LGR4: variants seen among roughly 807,000 people sequenced by gnomAD.
LGR4 encodes the protein leucine rich repeat containing G protein-coupled receptor 4.
LGR4 carries 44 observed loss-of-function variants against 84.8 expected under a neutral mutation model. The observed-to-expected ratio is 0.52, with a 90% confidence interval of 0.41 to 0.67. The LOEUF (loss-of-function observed/expected upper bound fraction) is 0.67, where lower values mean the gene tolerates loss of function less well. Among genes scored for constraint, LGR4 ranks in the 30% least tolerant of loss-of-function variants. The pLI is 0.00. For missense variants in LGR4, 1,032 were observed against 1,131.4 expected, an observed-to-expected ratio of 0.91 and a Z score of 1.26; for synonymous variants, 429 against 434.3, an observed-to-expected ratio of 0.99 and a Z score of 0.15.
At chr11:27,423,633 G>C (rs996432637) in intron 1 of LGR4, among the ~76,000 whole-genome samples, 2 of 152,140 alleles carry the variant, frequency 1.3e-5, no homozygotes, top group East Asian at 1.9e-4. Flanking sequence ...TATTCCCTTG[G>C]GAATGACTTA....
At chr11:27,436,767 C>T (rs948832187) in intron 1 of LGR4, among the ~76,000 whole-genome samples, 7 of 152,110 alleles carry the variant, frequency 4.6e-5, no homozygotes, top group East Asian at 1.9e-4. Context: ...GTGTTAATAT[C>T]GTTTGTTCAT....
At chr11:27,406,936 G>A (rs773796235) in intron 2 of LGR4, among the ~76,000 whole-genome samples, 10 of 152,120 alleles carry the variant, frequency 6.6e-5, no homozygotes, top group Non-Finnish European at 1.3e-4. Context: ...GGAATTCCTT[G>A]TATTAGAAGA....
chr11:27,417,940 T>C (rs1326002822), intron 1 of LGR4, among the ~76,000 whole-genome samples: 1 of 152,184 alleles, frequency 6.6e-6, no homozygotes, highest in Non-Finnish European at 1.5e-5. Flanking sequence ...CATCATGGGA[T>C]TGGAACATCT....
chr11:27,377,987 T>C (rs572038994), intron 11 of LGR4, among the ~76,000 whole-genome samples: 1 of 152,316 alleles, frequency 6.6e-6, no homozygotes, highest in South Asian at 2.1e-4. Context: ...AGTATTATGC[T>C]GTACAGGTTT....
chr11:27,400,042 T>TAC (rs1273076068), intron 2 of LGR4, among the ~76,000 whole-genome samples: 3 of 152,180 alleles, frequency 2.0e-5, no homozygotes, highest in African/African-American at 7.2e-5. Flanking sequence ...CCTATTATTA[T>TAC]ACAGGTTGAG....
intron 14 of LGR4, 109 bp downstream of exon 14, chr11:27,373,866 C>A (rs963836402): frequency 1.9e-6 from 2 of 1,029,898 alleles, no homozygotes; most frequent in Non-Finnish European, 3.0e-6. Flanking sequence ...AGCATTTATA[C>A]AAGGGAATAA....
intron 1 of LGR4, among the ~76,000 whole-genome samples, chr11:27,451,888 A>C (rs918783423): frequency 1.3e-5 from 2 of 152,212 alleles, no homozygotes; most frequent in African/African-American, 4.8e-5. Context: ...AATATGATTC[A>C]AACCATTTAA....
At chr11:27,465,235 T>G (rs1429600888) in intron 1 of LGR4, among the ~76,000 whole-genome samples, 1 of 152,196 alleles carries the variant, frequency 6.6e-6, no homozygotes, top group Non-Finnish European at 1.5e-5. Flanking sequence ...GTCTTACCCA[T>G]AAGATCTTTC....
intron 1 of LGR4, among the ~76,000 whole-genome samples, chr11:27,465,551 G>T (rs1230014669): frequency 6.6e-6 from 1 of 152,174 alleles, no homozygotes; most frequent in Non-Finnish European, 1.5e-5. Context: ...ACGAATATTT[G>T]TCTATGTGTG....
intron 1 of LGR4, among the ~76,000 whole-genome samples, chr11:27,431,545 A>G (rs544642924): frequency 6.6e-6 from 1 of 152,368 alleles, no homozygotes; most frequent in African/African-American, 2.4e-5. Flanking sequence ...AAAGCTATGT[A>G]AACACCATGG....
At position 27,372,408 on chromosome 11, in the gene LGR4, A is replaced by T. The variant is rs1205140202; in HGVS notation, c.1380-10T>A. On this transcript the variant is annotated splice_polypyrimidine_tract_variant and intron_variant, in intron 15 of 17. Transcript: ENST00000379214. ...TGGTACTGATAAAGACCTGGAAAAA[A>T]AAGTTGTAAAATCTACACTGAACAG... is the stretch of plus-strand genomic sequence containing the variant. 1 of 1,524,016 alleles carries T rather than the reference A, an allele frequency of 6.6e-7. No individual in the cohort carries two copies. The highest frequency in any genetic ancestry group is 9.1e-7 in the Non-Finnish European group (1 of 1,098,460). 94.4% of individuals were successfully genotyped at this position (1,524,016 alleles called of 1,614,324 possible).
At chr11:27,385,524 T>G (rs1236281898) in intron 4 of LGR4, 56 bp from the exon 5 acceptor site, 2 of 1,139,164 alleles carry the variant, frequency 1.8e-6, no homozygotes, top group African/African-American at 3.1e-5. Flanking sequence ...AATGAGTCAG[T>G]TCAAGTCTCA....
intron 6 of LGR4, 66 bp downstream of exon 6, chr11:27,384,270 G>T (rs1554965726): frequency 7.8e-6 from 8 of 1,020,260 alleles, no homozygotes; most frequent in Admixed American, 4.1e-5. Context: ...TTCTTTTTCT[G>T]CAGTGAAGTA....
intron 2 of LGR4, among the ~76,000 whole-genome samples, chr11:27,405,318 C>G (rs1470521136): frequency 6.6e-6 from 1 of 152,200 alleles, no homozygotes; most frequent in African/African-American, 2.4e-5. Flanking sequence ...TCCTCCGGCA[C>G]TTGGTCTTCT....
At chr11:27,375,109 C>T (rs559491982) in intron 13 of LGR4, among the ~76,000 whole-genome samples, 1 of 150,026 alleles carries the variant, frequency 6.7e-6, no homozygotes, top group Non-Finnish European at 1.5e-5. Context: ...CATAGGGAGA[C>T]CCCATCTCTA....
intron 1 of LGR4, among the ~76,000 whole-genome samples, chr11:27,436,219 CT>C (rs1232578569): frequency 6.6e-6 from 1 of 151,192 alleles, no homozygotes; most frequent in Non-Finnish European, 1.5e-5. Flanking sequence ...CCAAATGGAA[CT>C]TCTTAAAGTC....
rs764338798 is a variant in LGR4, at chr11:27,391,139, G to C, written c.356C>G (p.Thr119Arg). Reference protein sequence around the residue: ...VLTLQNNQLKTVPSEAIRGLS... With the variant: ...VLTLQNNQLKRVPSEAIRGLS... Reference sequence around the variant, plus strand: ...CCCTCGAATGGCTTCACTGGGTACTGTTTTCAACTGATTATTCTGGAGCGT... The same window carrying C: ...CCCTCGAATGGCTTCACTGGGTACTCTTTTCAACTGATTATTCTGGAGCGT... The change falls in exon 4 of 18, where the codon ACA becomes AGA. Residue 119 changes from threonine (T) to arginine (R), a missense_variant. Coordinates refer to ENST00000379214, the MANE Select transcript of LGR4 (RefSeq NM_018490.5). 1.9e-6 allele frequency: 3 copies of C among 1,607,830 alleles called. No homozygotes were observed. Among genetic ancestry groups the C allele is most frequent in the Non-Finnish European group, 2.5e-6 (3 of 1,176,892 alleles).
At position 27,412,759 on chromosome 11, in the gene LGR4, T is replaced by C. The variant is rs201550978; in HGVS notation, c.257+30A>G. The C allele has an allele frequency of 2.1e-3, 2,753 of 1,302,954 alleles. 17 individuals are homozygous for C. The Middle Eastern group carries it at 0.028, about 13-fold the overall frequency. 80.7% of individuals were successfully genotyped at this position (1,302,954 alleles called of 1,614,324 possible). ...CCAAAATGAATTGGGGAAAAAGACA[T>C]ACACACACATTTCTCAAAGTAATAC... On this transcript the variant is annotated intron_variant, in intron 2 of 17. Coordinates refer to ENST00000379214, the MANE Select transcript of LGR4 (RefSeq NM_018490.5).
chr11:27,454,762 A>C (rs1487535398), intron 1 of LGR4, among the ~76,000 whole-genome samples: 2 of 50,232 alleles, frequency 4.0e-5, no homozygotes, highest in Non-Finnish European at 6.9e-5. Flanking sequence ...ACTCTGTCTC[A>C]AAAAAAAAAA....
Sources: gnomAD v4.1 joint callset for allele counts (sites outside exome capture counted in the v4.1 genomes callset) on GRCh38, gnomAD v4.1.1 for gene constraint, MANE v1.5 for transcripts, NCBI Gene and HGNC (gene_info 2026-07-23, HGNC 2026-07-21) for gene names.